Variants in METTL25 observed in about 807,000 individuals in gnomAD.
METTL25 encodes probable methyltransferase-like protein 25.
METTL25 carries 64 observed loss-of-function variants against 71.6 expected under a neutral mutation model. That is an observed-to-expected ratio of 0.89 (90% CI 0.73 to 1.10). The LOEUF (loss-of-function observed/expected upper bound fraction) is 1.10, where lower values mean the gene tolerates loss of function less well. Among genes scored for constraint, METTL25 ranks in the 50% least tolerant of loss-of-function variants. The pLI is 0.00. For synonymous variants in METTL25, 287 were observed against 250.3 expected, an observed-to-expected ratio of 1.15 and a Z score of -1.38; for missense variants, 807 against 707.0, an observed-to-expected ratio of 1.14 and a Z score of -1.60.
At chr12:82,421,308 G>T (rs1486435564) in intron 5 of METTL25, among the ~76,000 whole-genome samples, 1 of 152,156 alleles carries the variant, frequency 6.6e-6, no homozygotes, top group Non-Finnish European at 1.5e-5. Context: ...AGAATTTATA[G>T]ATTTGAGGAA....
intron 1 of METTL25, among the ~76,000 whole-genome samples, chr12:82,383,472 C>T (rs567688355): frequency 2.0e-5 from 3 of 152,284 alleles, no homozygotes; most frequent in Admixed American, 2.0e-4. Flanking sequence ...TGATACATTA[C>T]AGCCTTCCTA....
chr12:82,460,816 T>C (rs960174733), intron 9 of METTL25, among the ~76,000 whole-genome samples: 8 of 152,190 alleles, frequency 5.3e-5, no homozygotes, highest in Admixed American at 2.0e-4. Flanking sequence ...TAGTTAATAA[T>C]GTATCAATAC....
chr12:82,403,633 A>G (rs1886831913), intron 5 of METTL25, among the ~76,000 whole-genome samples: 1 of 152,224 alleles, frequency 6.6e-6, no homozygotes, highest in Non-Finnish European at 1.5e-5. Context: ...ATTGCATTAA[A>G]ATAATAGTAT....
Position 82,476,727 on chromosome 12 carries a change from C to CA in METTL25, c.1647+10dup. ...TGGAAGCTTTTAATATGGTAAATCT[C>CA]AGAGTTAAGCATATTAAATTGGATA... On this transcript the variant is annotated intron_variant, in intron 10 of 11. Coordinates refer to ENST00000248306, the MANE Select transcript of METTL25 (RefSeq NM_032230.3). The CA allele has an allele frequency of 6.5e-7, 1 of 1,546,252 alleles. No homozygotes were observed. Among genetic ancestry groups the CA allele is most frequent in the Non-Finnish European group, 8.8e-7 (1 of 1,133,958 alleles).
intron 5 of METTL25, among the ~76,000 whole-genome samples, chr12:82,419,732 A>G (rs1888309133): frequency 2.8e-5 from 1 of 36,356 alleles, no homozygotes; most frequent in African/African-American, 6.0e-5. Context: ...CTTGACAAGG[A>G]TATAAAGGGA....
chr12:82,453,303 T>G (rs1169601526), intron 8 of METTL25, among the ~76,000 whole-genome samples: 1 of 152,184 alleles, frequency 6.6e-6, no homozygotes, highest in Non-Finnish European at 1.5e-5. Context: ...ACACACACTT[T>G]GGTGTGGTGT....
At chr12:82,423,628 T>G in intron 5 of METTL25, among the ~76,000 whole-genome samples, 1 of 152,098 alleles carries the variant, frequency 6.6e-6, no homozygotes, top group East Asian at 1.9e-4. Flanking sequence ...GGAGAAAATT[T>G]TTGCAATCTA....
intron 1 of METTL25, among the ~76,000 whole-genome samples, chr12:82,381,117 A>T (rs1237093947): frequency 2.0e-5 from 3 of 152,340 alleles, no homozygotes; most frequent in East Asian, 1.9e-4. Context: ...AAGTTATAAC[A>T]AAGTAGCTTT....
chr12:82,440,321 C>T (rs1890224164), intron 8 of METTL25, among the ~76,000 whole-genome samples: 1 of 151,974 alleles, frequency 6.6e-6, no homozygotes. Flanking sequence ...CATCCACTTT[C>T]TCATTTTCAT....
intron 5 of METTL25, among the ~76,000 whole-genome samples, chr12:82,408,235 ATTG>A (rs2137048092): frequency 6.6e-6 from 1 of 152,256 alleles, no homozygotes; most frequent in African/African-American, 2.4e-5. Flanking sequence ...ATTTATAGTT[ATTG>A]TTCTTCTATG....
At chr12:82,363,355 G>A (rs773918180) in intron 1 of METTL25, among the ~76,000 whole-genome samples, 1 of 152,104 alleles carries the variant, frequency 6.6e-6, no homozygotes. Flanking sequence ...TTGAATTCTT[G>A]TATGAAAGGG....
At chr12:82,422,732 A>G (rs1461535630) in intron 5 of METTL25, among the ~76,000 whole-genome samples, 2 of 152,202 alleles carry the variant, frequency 1.3e-5, no homozygotes, top group African/African-American at 4.8e-5. Context: ...AAAAATCACA[A>G]GCATTCTTAT....
At chr12:82,473,780 G>T (rs1459402006) in intron 9 of METTL25, among the ~76,000 whole-genome samples, 3 of 152,148 alleles carry the variant, frequency 2.0e-5, no homozygotes, top group Admixed American at 2.0e-4. Flanking sequence ...CACTAGACAG[G>T]ACTGCCAGAC....
rs191918895 is a variant in METTL25, at chr12:82,361,700, C to T, written c.259+2876C>T. Among the ~76,000 whole-genome samples, 391 of 152,248 alleles carry T rather than the reference C, an allele frequency of 2.6e-3. 1 individual carries two copies. The highest frequency in any genetic ancestry group is 8.8e-3 in the African/African-American group (367 of 41,562). On this transcript the variant is annotated intron_variant, in intron 1 of 11. Transcript: ENST00000248306. ...ACTGCCTGGGGCCAGCGGTGCTGGC[C>T]GGCTGCTCTGAGTGCTGGGCCTGCC...
At chr12:82,415,278 A>G (rs1887880345) in intron 5 of METTL25, among the ~76,000 whole-genome samples, 1 of 152,118 alleles carries the variant, frequency 6.6e-6, no homozygotes, top group African/African-American at 2.4e-5. Flanking sequence ...TATATACATC[A>G]CACTTTATAT....
At chr12:82,461,467 GGAA>G (rs1426445028) in intron 9 of METTL25, among the ~76,000 whole-genome samples, 2 of 152,092 alleles carry the variant, frequency 1.3e-5, no homozygotes, top group African/African-American at 2.4e-5. Context: ...AGGAAACTGG[GGAA>G]GAAGAATTCT....
At chr12:82,436,741 A>G (rs943818979) in intron 7 of METTL25, among the ~76,000 whole-genome samples, 2 of 151,578 alleles carry the variant, frequency 1.3e-5, no homozygotes, top group African/African-American at 4.8e-5. Flanking sequence ...TTTATTTCAA[A>G]GTTATCTTGA....
chr12:82,394,928 G>C (rs920913800), intron 3 of METTL25, among the ~76,000 whole-genome samples: 1 of 151,762 alleles, frequency 6.6e-6, no homozygotes, highest in Non-Finnish European at 1.5e-5. Flanking sequence ...CCCTGAACAT[G>C]CATACTTTGT....
intron 1 of METTL25, among the ~76,000 whole-genome samples, chr12:82,374,743 T>A (rs1414041259): frequency 6.6e-6 from 1 of 152,236 alleles, no homozygotes; most frequent in Non-Finnish European, 1.5e-5. Flanking sequence ...TTATAAAGCA[T>A]ATTTCAGGAC....
Sources: allele counts gnomAD v4.1 joint callset (sites outside exome capture counted in the v4.1 genomes callset), GRCh38; gene constraint gnomAD v4.1.1; transcripts MANE v1.5; gene names NCBI Gene and HGNC (gene_info 2026-07-23, HGNC 2026-07-21).